PDGFD: variants seen among roughly 807,000 people sequenced by gnomAD.
PDGFD encodes the protein platelet-derived growth factor D.
In PDGFD, 30 loss-of-function variants were observed where a neutral mutation model predicts 44.7. The ratio of observed to expected loss-of-function variants is 0.67; its 90% CI spans 0.50 to 0.91. The LOEUF (loss-of-function observed/expected upper bound fraction) is 0.91, where lower values mean the gene tolerates loss of function less well. Ranked by LOEUF, PDGFD falls within the 40% of genes least tolerant of loss-of-function variation. The probability of loss-of-function intolerance (pLI) is 0.00; values close to 1 mark genes in which losing one functional copy is unlikely to be tolerated. For synonymous variants in PDGFD, 173 were observed against 168.4 expected (o/e 1.03, Z -0.21); for missense variants, 445 against 457.8 (o/e 0.97, Z 0.25).
chr11:103,973,259 C>T (rs1238042975), intron 3 of PDGFD, among the ~76,000 whole-genome samples: 1 of 151,696 alleles, frequency 6.6e-6, no homozygotes, highest in Non-Finnish European at 1.5e-5. Context: ...CTGCCTCAGC[C>T]TCCCAAGTAA....
intron 2 of PDGFD, among the ~76,000 whole-genome samples, chr11:103,999,191 A>G (rs966460517): frequency 6.6e-6 from 1 of 152,190 alleles, no homozygotes. Flanking sequence ...CATGCAACAG[A>G]GGACAACCAA....
chr11:104,065,592 G>A (rs1040328913), intron 1 of PDGFD, among the ~76,000 whole-genome samples: 15 of 152,052 alleles, frequency 9.9e-5, no homozygotes, highest in Non-Finnish European at 4.4e-5. Flanking sequence ...TTAAAAAACT[G>A]TCAAAAAATT....
At chr11:104,135,234 C>G (rs1170767727) in intron 1 of PDGFD, among the ~76,000 whole-genome samples, 1 of 152,202 alleles carries the variant, frequency 6.6e-6, no homozygotes, top group African/African-American at 2.4e-5. Flanking sequence ...GTGGCTATTA[C>G]AGCACCTGGT....
At chr11:104,057,663 C>T (rs1860642748) in intron 1 of PDGFD, among the ~76,000 whole-genome samples, 1 of 151,854 alleles carries the variant, frequency 6.6e-6, no homozygotes, top group Non-Finnish European at 1.5e-5. Context: ...ACATGTACCC[C>T]CTGAATCTAA....
chr11:104,133,064 G>A lies in PDGFD; in HGVS notation c.124+30740C>T, dbSNP rs1861946732. 1.3e-5 allele frequency among the ~76,000 whole-genome samples: 2 copies of A among 152,128 alleles called. 1 individual carries two copies. The highest frequency in any genetic ancestry group is 1.3e-4 in the Admixed American group (2 of 15,258). On this transcript the variant is annotated intron_variant, in intron 1 of 6. Transcript: ENST00000393158. ...TGACTCTTAACTGCCTCAGGCCAGA[G>A]TTGACCAATGTCACTTCTGTTACAC...
At chr11:104,142,337 G>A (rs1330403678) in intron 1 of PDGFD, among the ~76,000 whole-genome samples, 1 of 151,856 alleles carries the variant, frequency 6.6e-6, no homozygotes, top group Non-Finnish European at 1.5e-5. Context: ...GAATATGTGT[G>A]CGTGGTGTAC....
chr11:103,972,143 A>G (rs1859114219), intron 3 of PDGFD, among the ~76,000 whole-genome samples: 1 of 152,192 alleles, frequency 6.6e-6, no homozygotes, highest in South Asian at 2.1e-4. Flanking sequence ...AATCGCTTAG[A>G]GGAGGTTTTC....
At chr11:104,066,672 T>G (rs1860794913) in intron 1 of PDGFD, among the ~76,000 whole-genome samples, 1 of 152,130 alleles carries the variant, frequency 6.6e-6, no homozygotes, top group African/African-American at 2.4e-5. Flanking sequence ...TTGAGGCTAT[T>G]TCAATAATAT....
At chr11:104,027,425 G>A (rs1425998490) in intron 1 of PDGFD, among the ~76,000 whole-genome samples, 1 of 152,150 alleles carries the variant, frequency 6.6e-6, no homozygotes, top group Non-Finnish European at 1.5e-5. Context: ...GACATACTTT[G>A]GTAGAGTGCT....
intron 1 of PDGFD, chr11:104,037,004 T>C (rs1860251143): frequency 6.2e-7 from 1 of 1,614,132 alleles, no homozygotes; most frequent in South Asian, 1.1e-5. Flanking sequence ...CACTGTTCCC[T>C]GGGCTCCTAC....
At chr11:104,069,074 G>A (rs1306270557) in intron 1 of PDGFD, among the ~76,000 whole-genome samples, 6 of 152,110 alleles carry the variant, frequency 3.9e-5, no homozygotes, top group Non-Finnish European at 7.4e-5. Flanking sequence ...ATGTCTATAA[G>A]AGCAAACAAA....
chr11:104,120,041 A>T (rs1211709525), intron 1 of PDGFD, among the ~76,000 whole-genome samples: 2 of 147,442 alleles, frequency 1.4e-5, no homozygotes, highest in Non-Finnish European at 3.0e-5. Flanking sequence ...TCCTTCTGAG[A>T]ACTGGAACAT....
At chr11:104,050,083 T>C (rs897812524) in intron 1 of PDGFD, among the ~76,000 whole-genome samples, 1 of 152,286 alleles carries the variant, frequency 6.6e-6, no homozygotes, top group South Asian at 2.1e-4. Flanking sequence ...GTATGGGTTA[T>C]ACGTTATATG....
At chr11:104,101,095 T>C (rs1478514121) in intron 1 of PDGFD, among the ~76,000 whole-genome samples, 3 of 152,144 alleles carry the variant, frequency 2.0e-5, no homozygotes, top group Non-Finnish European at 2.9e-5. Flanking sequence ...TTGGAAGTTC[T>C]GGCCAGGGCA....
intron 3 of PDGFD, among the ~76,000 whole-genome samples, chr11:103,986,457 A>G (rs966953306): frequency 2.0e-5 from 3 of 152,166 alleles, no homozygotes; most frequent in African/African-American, 4.8e-5. Context: ...GTAGGGGGGA[A>G]CTCTTCTTTC....
At chr11:104,109,814 C>T (rs961133040) in intron 1 of PDGFD, among the ~76,000 whole-genome samples, 13 of 151,940 alleles carry the variant, frequency 8.6e-5, no homozygotes, top group African/African-American at 2.9e-4. Context: ...TTTGGTGTGG[C>T]CTTATTTTCA....
chr11:104,092,191 G>A (rs1046584920), intron 1 of PDGFD, among the ~76,000 whole-genome samples: 1 of 152,182 alleles, frequency 6.6e-6, no homozygotes, highest in African/African-American at 2.4e-5. Context: ...GACTCCAAAG[G>A]CAAGGATTTT....
chr11:104,071,792 CTTAAT>C (rs1031288385), intron 1 of PDGFD, among the ~76,000 whole-genome samples: 6 of 151,222 alleles, frequency 4.0e-5, no homozygotes, highest in South Asian at 2.1e-4. Context: ...TATTATATAG[CTTAAT>C]TTATTTTTTA....
At chr11:104,070,447 G>A (rs1017407975) in intron 1 of PDGFD, among the ~76,000 whole-genome samples, 4 of 152,126 alleles carry the variant, frequency 2.6e-5, no homozygotes, top group African/African-American at 9.7e-5. Flanking sequence ...TAAAAAAATA[G>A]AGATATATTT....
Sources: allele counts gnomAD v4.1 joint callset (sites outside exome capture counted in the v4.1 genomes callset), GRCh38; gene constraint gnomAD v4.1.1; transcripts MANE v1.5; gene names NCBI Gene and HGNC (gene_info 2026-07-23, HGNC 2026-07-21).